PRR5: variants seen among roughly 807,000 people sequenced by gnomAD.
The protein encoded by PRR5 is proline-rich protein 5.
Under a neutral mutation model 30.6 loss-of-function variants are expected in PRR5, and 25 were observed. That is an observed-to-expected ratio of 0.82 (90% CI 0.60 to 1.14). The LOEUF (loss-of-function observed/expected upper bound fraction) is 1.14. PRR5 is among the 50% of genes most tolerant of loss of function. The pLI, the probability that PRR5 is intolerant of heterozygous loss-of-function variation, is 0.00. For synonymous variants in PRR5, 286 were observed against 247.1 expected (o/e 1.16, Z -1.48); for missense variants, 600 against 547.1 (o/e 1.10, Z -0.96).
intron 1 of PRR5, among the ~76,000 whole-genome samples, chr22:44,711,707 GGGC>G (rs751452428): frequency 6.1e-4 from 93 of 152,300 alleles, no homozygotes; most frequent in Non-Finnish European, 9.0e-4. Context: ...AGGGAGGCCT[GGGC>G]TCCAGGAGAG....
At chr22:44,719,877 C>T (rs5765931) in intron 2 of PRR5, among the ~76,000 whole-genome samples, 59,362 of 152,074 alleles carry the variant, frequency 0.39, 11,876 homozygotes, top group South Asian at 0.57. Context: ...AGCAGCAAAC[C>T]CCCTGGATGG....
chr22:44,700,955 T>G (rs1156764646), upstream of PRR5, among the ~76,000 whole-genome samples: 1 of 152,176 alleles, frequency 6.6e-6, no homozygotes, highest in African/African-American at 2.4e-5. Context: ...AGATCTCAGC[T>G]CTCTGCAACC....
intron 1 of PRR5, among the ~76,000 whole-genome samples, chr22:44,690,118 G>A (rs1271184735): frequency 6.6e-6 from 1 of 152,156 alleles, no homozygotes; most frequent in African/African-American, 2.4e-5. Flanking sequence ...GGATGTGGGA[G>A]GGGGCAGGCT....
rs1279639310 is a variant in PRR5 at position 44,691,562 on chromosome 22, T to C, written c.-10-10930T>C. On this transcript the variant is annotated intron_variant, in intron 1 of 8. Transcript: ENST00000006251. The surrounding 1 kb of genome is among the most constrained non-coding windows in gnomAD (Gnocchi z 4.4). ...GCCGAGGCGGGTAGATCACCTGAGG[T>C]CAGGAGTTCAAGACCAGCCTGGCCA... is the stretch of plus-strand genomic sequence containing the variant. 6.6e-6 allele frequency among the ~76,000 whole-genome samples: 1 copy of C among 151,960 alleles called. No homozygotes were observed. The highest frequency in any genetic ancestry group is 2.4e-5 in the African/African-American group (1 of 41,366).
chr22:44,721,822 GC>G (rs1256310755), intron 2 of PRR5, among the ~76,000 whole-genome samples: 3 of 152,242 alleles, frequency 2.0e-5, no homozygotes, highest in Non-Finnish European at 4.4e-5. Context: ...CTGCCCTCCA[GC>G]CCTGACTTGC....
In PRR5 at chr22:44,680,568, A is replaced by G. The variant is rs578241590; in HGVS notation, c.-11+3328A>G. On this transcript the variant is annotated intron_variant, in intron 1 of 8. Transcript: ENST00000006251. ...GCCTCCATGGAGGTCCCACAGCAGG[A>G]CTCGCCAGCCTTTGTCCTCCCCACC... is the stretch of plus-strand genomic sequence containing the variant. Among the ~76,000 whole-genome samples, 5 of 152,034 alleles carry G rather than the reference A, an allele frequency of 3.3e-5. No homozygotes were observed. In the East Asian group the frequency reaches 7.8e-4, roughly 24 times the overall value.
At chr22:44,705,357 A>C (rs1015551694) in intron 1 of PRR5, among the ~76,000 whole-genome samples, 3 of 150,862 alleles carry the variant, frequency 2.0e-5, no homozygotes, top group African/African-American at 7.3e-5. Context: ...ACGGAGTTTC[A>C]CTCTTGTCCA....
At chr22:44,732,194 G>A in intron 5 of PRR5, 57 bp from the exon 6 acceptor site, 1 of 1,592,626 alleles carries the variant, frequency 6.3e-7, no homozygotes, top group Non-Finnish European at 8.6e-7. Context: ...ACCGGGAGAG[G>A]GGAGATGAGG....
At chr22:44,702,692 C>G (rs1926528973) in intron 1 of PRR5, 84 bp downstream of exon 1, 1 of 1,228,720 alleles carries the variant, frequency 8.1e-7, no homozygotes, top group Non-Finnish European at 1.0e-6. Flanking sequence ...AGGGGCCGCC[C>G]CGAGCCAGGA....
chr22:44,683,049 A>G (rs1451216953), intron 1 of PRR5, among the ~76,000 whole-genome samples: 1 of 152,218 alleles, frequency 6.6e-6, no homozygotes, highest in African/African-American at 2.4e-5. Flanking sequence ...GTGGACATGA[A>G]CTGAGCCTGA....
Position 44,720,771 on chromosome 22 carries a change from G to T in PRR5, c.216-4473G>T, listed in dbSNP as rs550130253. On this transcript the variant is annotated intron_variant, in intron 2 of 7. Transcript: ENST00000336985. ...GTGGGCACCGTGCAAATGGGGGGATGCTCAGCCAGTGATGCCCCTCACCCC... is the reference window on the plus strand; with the variant it reads ...GTGGGCACCGTGCAAATGGGGGGATTCTCAGCCAGTGATGCCCCTCACCCC... 5.9e-5 allele frequency among the ~76,000 whole-genome samples: 9 copies of T among 152,312 alleles called. No homozygotes were observed. In the South Asian group the frequency reaches 1.9e-3, roughly 32 times the overall value.
At chr22:44,683,971 G>A (rs148518357) in intron 1 of PRR5, among the ~76,000 whole-genome samples, 9 of 152,228 alleles carry the variant, frequency 5.9e-5, no homozygotes, top group African/African-American at 2.2e-4. Context: ...TGGGCCCCTC[G>A]CAGGGGTTGG....
upstream of PRR5, among the ~76,000 whole-genome samples, chr22:44,699,944 T>C (rs935755549): frequency 2.6e-5 from 4 of 152,070 alleles, no homozygotes; most frequent in Admixed American, 6.5e-5. Flanking sequence ...GTTTTTTTTT[T>C]TACAGCAGTA....
intron 6 of PRR5, among the ~76,000 whole-genome samples, chr22:44,733,787 C>T (rs368696036): frequency 3.3e-5 from 5 of 152,252 alleles, no homozygotes; most frequent in South Asian, 2.1e-4. Context: ...GTCCCACCTA[C>T]TCATTGTAAC....
intron 2 of PRR5, 86 bp downstream of exon 2, chr22:44,714,757 A>G: frequency 1.3e-6 from 2 of 1,520,302 alleles, no homozygotes; most frequent in South Asian, 2.4e-5. Flanking sequence ...CAGGCCCCTG[A>G]CCCGCCAGCC....
In PRR5 at chr22:44,737,062, C is replaced by A. The variant is rs1438735498; in HGVS notation, c.982C>A (p.Pro328Thr). The A allele has an allele frequency of 1.1e-5, 17 of 1,608,900 alleles. No homozygotes were observed. The highest frequency in any genetic ancestry group is 1.2e-5 in the Non-Finnish European group (14 of 1,178,384). Residue 328 changes from proline (P) to threonine (T), a missense_variant, in exon 8 of 8, where the codon CCC becomes ACC. Transcript: ENST00000336985. ...CAGCAGACTGTACCCCACGACCCAG[C>A]CCCCTGAGCAGGGCTTGGATCCCAC... ...CPSRLYPTTQ[P>T]PEQGLDPTRS...
intron 1 of PRR5, chr22:44,679,803 G>A: frequency 1.3e-6 from 2 of 1,598,090 alleles, no homozygotes; most frequent in Non-Finnish European, 1.7e-6. Context: ...TAGAGCCATG[G>A]TGTGTTTGGA....
At chr22:44,720,540 G>A (rs1041508386) in intron 2 of PRR5, among the ~76,000 whole-genome samples, 1 of 152,210 alleles carries the variant, frequency 6.6e-6, no homozygotes, top group African/African-American at 2.4e-5. Context: ...GGGAACCCAG[G>A]TGCTGGCAGC....
chr22:44,729,266 C>T, intron 4 of PRR5: 1 of 920,574 alleles, frequency 1.1e-6, no homozygotes, highest in African/African-American at 1.8e-5. Flanking sequence ...GCGCTCCTCA[C>T]TGTTCCTGAG....
Sources: allele counts gnomAD v4.1 joint callset (sites outside exome capture counted in the v4.1 genomes callset), GRCh38; gene constraint gnomAD v4.1.1; non-coding constraint Gnocchi (gnomAD v3.1); transcripts MANE v1.5; gene names NCBI Gene and HGNC (gene_info 2026-07-23, HGNC 2026-07-21).